The following UGGT2 variants were observed in gnomAD, a reference collection of about 807,000 sequenced individuals.
UGGT2 encodes the protein UDP-glucose:glycoprotein glucosyltransferase 2.
A neutral mutation model predicts 192.1 loss-of-function variants in UGGT2; 180 were observed. That is an observed-to-expected ratio of 0.94 (90% CI 0.83 to 1.06). The LOEUF (loss-of-function observed/expected upper bound fraction) is 1.06, where lower values mean the gene tolerates loss of function less well. Ranked by LOEUF, UGGT2 falls within the 50% of genes least tolerant of loss-of-function variation. UGGT2 has a pLI of 0.00. For missense variants in UGGT2, 1,849 were observed against 1,795.7 expected (o/e 1.03, Z -0.54); for synonymous variants, 580 against 591.0 (o/e 0.98, Z 0.27).
intron 12 of UGGT2, among the ~76,000 whole-genome samples, chr13:95,959,076 T>C (rs937000519): frequency 2.6e-5 from 4 of 152,178 alleles, no homozygotes; most frequent in African/African-American, 9.7e-5. Flanking sequence ...TCCCACAGAC[T>C]GTGTCCTGCC....
chr13:95,932,529 C>G (rs1566720422), intron 17 of UGGT2, among the ~76,000 whole-genome samples: 1 of 152,100 alleles, frequency 6.6e-6, no homozygotes, highest in African/African-American at 2.4e-5. Flanking sequence ...GGTGTAGAAT[C>G]ATATCATCAG....
At chr13:95,865,184 T>C (rs1410462965) in intron 30 of UGGT2, among the ~76,000 whole-genome samples, 1 of 152,170 alleles carries the variant, frequency 6.6e-6, no homozygotes, top group East Asian at 1.9e-4. Flanking sequence ...TACAACACTT[T>C]CCCTCCTCCA....
At chr13:95,980,077 A>C (rs2051068008) in intron 10 of UGGT2, among the ~76,000 whole-genome samples, 1 of 152,184 alleles carries the variant, frequency 6.6e-6, no homozygotes. Flanking sequence ...ACTATGGAAA[A>C]CAATGTGGAG....
At chr13:95,869,022 C>T (rs1890958635) in intron 29 of UGGT2, among the ~76,000 whole-genome samples, 1 of 150,730 alleles carries the variant, frequency 6.6e-6, no homozygotes, top group African/African-American at 2.4e-5. Context: ...TCTCCTAATG[C>T]TATCCCTCCC....
At chr13:95,924,322 C>G (rs1046204836) in intron 20 of UGGT2, among the ~76,000 whole-genome samples, 15 of 149,674 alleles carry the variant, frequency 1.0e-4, no homozygotes, top group African/African-American at 3.7e-4. Context: ...ATATACACAC[C>G]CAGAACCGCT....
chr13:96,008,698 T>C (rs1000305590), intron 5 of UGGT2, among the ~76,000 whole-genome samples: 1 of 152,070 alleles, frequency 6.6e-6, no homozygotes, highest in Non-Finnish European at 1.5e-5. Context: ...ATGAGAATTA[T>C]TAATACAAAA....
chr13:96,018,471 G>A (rs1036674002), intron 4 of UGGT2, among the ~76,000 whole-genome samples: 2 of 152,072 alleles, frequency 1.3e-5, no homozygotes, highest in African/African-American at 4.8e-5. Flanking sequence ...AGCCAAGACT[G>A]CACCACTGCA....
chr13:96,051,128 T>C (rs1372093405), intron 1 of UGGT2, among the ~76,000 whole-genome samples: 2 of 152,172 alleles, frequency 1.3e-5, no homozygotes, highest in Admixed American at 1.3e-4. Flanking sequence ...GTGGCACATA[T>C]ACACCACGGA....
intron 10 of UGGT2, among the ~76,000 whole-genome samples, chr13:95,976,589 A>G (rs1422960046): frequency 6.6e-6 from 1 of 151,778 alleles, no homozygotes; most frequent in African/African-American, 2.4e-5. Flanking sequence ...AGAATCTGTT[A>G]TTTTTTTTGT....
At chr13:95,916,712 A>AC (rs1245605681) in intron 20 of UGGT2, among the ~76,000 whole-genome samples, 9 of 152,346 alleles carry the variant, frequency 5.9e-5, no homozygotes, top group African/African-American at 2.2e-4. Context: ...AATATAAATG[A>AC]CCTGATGGAG....
intron 1 of UGGT2, among the ~76,000 whole-genome samples, chr13:96,044,486 G>C (rs1465937227): frequency 6.6e-6 from 1 of 151,912 alleles, no homozygotes; most frequent in African/African-American, 2.4e-5. Flanking sequence ...CCCAGTAGAA[G>C]TGAAATAACC....
At chr13:95,923,065 A>T (rs2048898515) in intron 20 of UGGT2, among the ~76,000 whole-genome samples, 1 of 152,026 alleles carries the variant, frequency 6.6e-6, no homozygotes, top group Non-Finnish European at 1.5e-5. Context: ...TTCTTCACTG[A>T]CTAATTAATG....
At chr13:95,903,115 G>A (rs1380928322) in intron 20 of UGGT2, 55 bp from the exon 21 acceptor site, 1 of 1,516,210 alleles carries the variant, frequency 6.6e-7, no homozygotes, top group African/African-American at 1.4e-5. Context: ...CATTTTACAG[G>A]TGAATATATT....
rs146025884 is a variant in UGGT2 at position 95,948,543 on chromosome 13, C to T, written c.1456-462G>A. On this transcript the variant is annotated intron_variant, in intron 13 of 38. Transcript: ENST00000376747. ...TTCATTTCCTATGTGAAAAAACAGC[C>T]GTAGGTATTTTCTCCAACTTTCAAA... is the stretch of plus-strand genomic sequence containing the variant. 5.9e-5 allele frequency among the ~76,000 whole-genome samples: 9 copies of T among 152,078 alleles called. No homozygotes were observed. The East Asian group carries it at 1.5e-3, about 26-fold the overall frequency.
rs527676338 is a variant in UGGT2, at chr13:95,966,408, G to A, written c.1335+3704C>T. ...TGGGAAGGGCATGCTGGTGGGAGGG[G>A]TTGATGAAGAGAGGTTAGTCAATAG... is the stretch of plus-strand genomic sequence containing the variant. On this transcript the variant is annotated intron_variant, in intron 12 of 38. Coordinates refer to ENST00000376747, the MANE Select transcript of UGGT2 (RefSeq NM_020121.4). Among the ~76,000 whole-genome samples, 5 of 152,280 alleles carry A rather than the reference G, an allele frequency of 3.3e-5. No homozygotes were observed. The East Asian group carries it at 7.7e-4, about 23-fold the overall frequency.
chr13:96,002,682 A>T (rs2051845104), intron 5 of UGGT2, among the ~76,000 whole-genome samples: 1 of 152,242 alleles, frequency 6.6e-6, no homozygotes, highest in South Asian at 2.1e-4. Context: ...CTTTTACTAA[A>T]TAGCAATAAC....
chr13:95,972,983 C>A (rs1440361380), intron 10 of UGGT2, among the ~76,000 whole-genome samples: 1 of 152,160 alleles, frequency 6.6e-6, no homozygotes, highest in Non-Finnish European at 1.5e-5. Flanking sequence ...CCACCCTGAC[C>A]AACATGGTGA....
chr13:95,895,520 A>C (rs2047922490), intron 22 of UGGT2, among the ~76,000 whole-genome samples: 1 of 151,992 alleles, frequency 6.6e-6, no homozygotes, highest in African/African-American at 2.4e-5. Context: ...TAAACACCAA[A>C]ATCAAAGTGA....
chr13:96,024,787 G>A (rs1299219128), intron 2 of UGGT2, among the ~76,000 whole-genome samples: 2 of 152,180 alleles, frequency 1.3e-5, no homozygotes, highest in Non-Finnish European at 2.9e-5. Context: ...GATGTGAAAG[G>A]GATAACAAGA....
Sources: gnomAD v4.1 joint callset for allele counts (sites outside exome capture counted in the v4.1 genomes callset) on GRCh38, gnomAD v4.1.1 for gene constraint, MANE v1.5 for transcripts, NCBI Gene and HGNC (gene_info 2026-07-23, HGNC 2026-07-21) for gene names.